JAKMIP2: variants seen among roughly 807,000 people sequenced by gnomAD.
JAKMIP2 encodes the protein janus kinase and microtubule interacting protein 2.
Under a neutral mutation model 115.0 loss-of-function variants are expected in JAKMIP2, and 25 were observed. The observed-to-expected ratio is 0.22, with a 90% confidence interval of 0.16 to 0.30. The LOEUF (loss-of-function observed/expected upper bound fraction) is 0.30. Among genes scored for constraint, JAKMIP2 ranks in the 10% least tolerant of loss-of-function variants. The pLI, the probability that JAKMIP2 is intolerant of heterozygous loss-of-function variation, is 1.00. For synonymous variants in JAKMIP2, 334 were observed against 343.6 expected, an observed-to-expected ratio of 0.97 and a Z score of 0.31; for missense variants, 642 against 957.6, an observed-to-expected ratio of 0.67 and a Z score of 4.35.
At chr5:147,615,829 A>G (rs1484761615) in intron 19 of JAKMIP2, among the ~76,000 whole-genome samples, 1 of 152,152 alleles carries the variant, frequency 6.6e-6, no homozygotes, top group Non-Finnish European at 1.5e-5. Context: ...TAAAAGTTTG[A>G]CTGAATAAAT....
chr5:147,769,117 T>C (rs900260999), intron 1 of JAKMIP2, among the ~76,000 whole-genome samples: 18 of 152,100 alleles, frequency 1.2e-4, no homozygotes, highest in African/African-American at 4.1e-4. Flanking sequence ...TGTCAAATGA[T>C]CAGAACTCCG....
At chr5:147,711,426 A>T (rs1295240522) in intron 1 of JAKMIP2, among the ~76,000 whole-genome samples, 1 of 152,228 alleles carries the variant, frequency 6.6e-6, no homozygotes, top group African/African-American at 2.4e-5. Context: ...TTTTCTTGCC[A>T]GACCTTTCAA....
chr5:147,744,604 G>A, intron 1 of JAKMIP2, among the ~76,000 whole-genome samples: 1 of 152,084 alleles, frequency 6.6e-6, no homozygotes, highest in East Asian at 1.9e-4. Context: ...AATAATTACA[G>A]CATTTATTAT....
intron 21 of JAKMIP2, among the ~76,000 whole-genome samples, chr5:147,595,187 C>T (rs936026183): frequency 1.3e-5 from 2 of 152,098 alleles, no homozygotes; most frequent in Non-Finnish European, 2.9e-5. Flanking sequence ...CTATTACTTG[C>T]TAATTTTTTA....
intron 19 of JAKMIP2, 106 bp downstream of exon 19, chr5:147,617,804 CT>C: frequency 1.3e-6 from 1 of 776,856 alleles, no homozygotes; most frequent in Non-Finnish European, 2.1e-6. Context: ...CTGAAAATAA[CT>C]TGTATCTCCT....
intron 5 of JAKMIP2, among the ~76,000 whole-genome samples, chr5:147,645,364 G>A (rs921726213): frequency 6.6e-6 from 1 of 152,126 alleles, no homozygotes; most frequent in Non-Finnish European, 1.5e-5. Context: ...ACCTGCATTA[G>A]CTCAGAGATA....
chr5:147,736,497 T>C (rs1580856004), intron 1 of JAKMIP2, among the ~76,000 whole-genome samples: 1 of 152,102 alleles, frequency 6.6e-6, no homozygotes, highest in East Asian at 1.9e-4. Context: ...TAAACTTTTC[T>C]TTCAATCATT....
intron 1 of JAKMIP2, among the ~76,000 whole-genome samples, chr5:147,693,336 C>T (rs1048929429): frequency 2.0e-5 from 3 of 152,200 alleles, no homozygotes; most frequent in African/African-American, 7.2e-5. Context: ...CATGTAAATA[C>T]ATACCAAAGT....
intron 1 of JAKMIP2, among the ~76,000 whole-genome samples, chr5:147,754,531 A>G (rs951628093): frequency 1.3e-5 from 2 of 152,200 alleles, no homozygotes; most frequent in African/African-American, 4.8e-5. Flanking sequence ...GGAAAGCTAC[A>G]GAGGAAAGGT....
intron 1 of JAKMIP2, among the ~76,000 whole-genome samples, chr5:147,770,320 G>C (rs913990353): frequency 6.6e-6 from 1 of 151,972 alleles, no homozygotes; most frequent in African/African-American, 2.4e-5. Flanking sequence ...CTGAAAAATT[G>C]CTCCACCTGG....
chr5:147,639,985 C>A (rs1198429083), intron 9 of JAKMIP2, among the ~76,000 whole-genome samples: 3 of 152,050 alleles, frequency 2.0e-5, no homozygotes, highest in African/African-American at 7.2e-5. Flanking sequence ...GTAAAAGAAG[C>A]ATTTAGCATT....
chr5:147,661,227 A>G lies in JAKMIP2; in HGVS notation c.348T>C (p.Ser116=), dbSNP rs1758954646. 1 of 1,614,022 alleles carries G rather than the reference A, an allele frequency of 6.2e-7. No homozygotes were observed. Among genetic ancestry groups the G allele is most frequent in the African/African-American group, 1.3e-5 (1 of 74,998 alleles). ...TGCCGTCGCGGAGAGCACAGAGAGC[A>G]GACTTGAGCCTCTGGATCTCTCCAT... is the stretch of plus-strand genomic sequence containing the variant. ...VRDGEIQRLK[S]ALCALRDGSS... Residue 116 remains serine (S), a synonymous_variant, in exon 3 of 22, where the codon TCT becomes TCC. Transcript: ENST00000616793.
intron 5 of JAKMIP2, 50 bp from the exon 6 acceptor site, chr5:147,645,046 G>A (rs777902143): frequency 6.3e-7 from 1 of 1,588,280 alleles, no homozygotes; most frequent in South Asian, 1.1e-5. Context: ...GGGACGTGGG[G>A]GCAGGGGAGT....
chr5:147,774,385 C>A (rs750168219), intron 1 of JAKMIP2, among the ~76,000 whole-genome samples: 2 of 152,102 alleles, frequency 1.3e-5, no homozygotes, highest in Non-Finnish European at 1.5e-5. Context: ...TGTCAATTAG[C>A]AGAATTAGCA....
chr5:147,596,817 T>C (rs1417145640), intron 21 of JAKMIP2, among the ~76,000 whole-genome samples: 1 of 152,188 alleles, frequency 6.6e-6, no homozygotes, highest in Non-Finnish European at 1.5e-5. Flanking sequence ...AACTGATTCA[T>C]CTTAGACTTT....
At chr5:147,631,225 T>A (rs1757333573) in intron 14 of JAKMIP2, among the ~76,000 whole-genome samples, 188 bp downstream of exon 14, 1 of 152,222 alleles carries the variant, frequency 6.6e-6, no homozygotes, top group African/African-American at 2.4e-5. Context: ...CATTTGTATA[T>A]CTGTCACACA....
In JAKMIP2 at chr5:147,587,243, C is replaced by A. The variant is rs1007483790; in HGVS notation, c.*4464G>T. 12 of 152,134 alleles carry A rather than the reference C, an allele frequency of 7.9e-5. No individual in the cohort carries two copies. The highest frequency in any genetic ancestry group is 2.9e-4 in the African/African-American group (12 of 41,440). The allele number at this position is 152,134 out of a possible 1,614,324, so 9.4% of individuals were successfully genotyped here. Reference sequence around the variant, plus strand: ...TCTAAGATTTGCTTTGAATGTTTATCATTCAAAAGTTATATTGAATTTTTT... The same window carrying A: ...TCTAAGATTTGCTTTGAATGTTTATAATTCAAAAGTTATATTGAATTTTTT... On this transcript the variant is annotated 3_prime_UTR_variant, in exon 22 of 22. Coordinates refer to ENST00000616793, the MANE Select transcript of JAKMIP2 (RefSeq NM_001270941.2).
At chr5:147,609,133 T>A (rs1401469000) in intron 20 of JAKMIP2, among the ~76,000 whole-genome samples, 2 of 152,216 alleles carry the variant, frequency 1.3e-5, no homozygotes, top group African/African-American at 4.8e-5. Context: ...TTATCCAATT[T>A]GCCAGTCTGT....
chr5:147,706,563 T>C (rs904152915), intron 1 of JAKMIP2, among the ~76,000 whole-genome samples: 1 of 152,160 alleles, frequency 6.6e-6, no homozygotes, highest in Admixed American at 6.5e-5. Context: ...AAAATAACAA[T>C]AATACTGTAA....
Sources: gnomAD v4.1 joint callset for allele counts (sites outside exome capture counted in the v4.1 genomes callset) on GRCh38, gnomAD v4.1.1 for gene constraint, MANE v1.5 for transcripts, NCBI Gene and HGNC (gene_info 2026-07-23, HGNC 2026-07-21) for gene names.